P2RX3: variants seen among roughly 807,000 people sequenced by gnomAD.
P2RX3 encodes the protein purinergic receptor P2X 3.
Under a neutral mutation model 51.5 loss-of-function variants are expected in P2RX3, and 41 were observed. That is an observed-to-expected ratio of 0.80 (90% CI 0.62 to 1.03). The LOEUF (loss-of-function observed/expected upper bound fraction) is 1.03. P2RX3 is among the 50% of genes least tolerant of loss of function. The pLI, the probability that P2RX3 is intolerant of heterozygous loss-of-function variation, is 0.00. For missense variants in P2RX3, 459 were observed against 522.1 expected, an observed-to-expected ratio of 0.88 and a Z score of 1.18; for synonymous variants, 185 against 191.6, an observed-to-expected ratio of 0.97 and a Z score of 0.29.
rs1265028255 is a variant in P2RX3, at chr11:57,369,901, G to A, written c.1098G>A (p.Leu366=). ...GCCTGCAGGTGAATGAGACTACGCT[G>A]AAAATCGCGGCTTTGACCAACCCAG... ...KKFEEVNETT[L]KIAALTNPVY... The change falls in exon 12 of 12, where the codon CTG becomes CTA. Residue 366 remains leucine (L), a synonymous_variant. Coordinates refer to ENST00000263314, the MANE Select transcript of P2RX3 (RefSeq NM_002559.5). 7 of 1,613,614 alleles carry A rather than the reference G, an allele frequency of 4.3e-6. No homozygotes were observed. The highest frequency in any genetic ancestry group is 5.9e-6 in the Non-Finnish European group (7 of 1,179,616).
intron 7 of P2RX3, chr11:57,350,529 G>T: frequency 2.1e-6 from 1 of 470,014 alleles, no homozygotes; most frequent in Non-Finnish European, 3.8e-6. Context: ...TGATCCGCCC[G>T]CCTCGGCCTC....
At position 57,369,552 on chromosome 11, in the gene P2RX3, C is replaced by T. The variant is rs1856849443; in HGVS notation, c.1080+114C>T. 3 of 974,272 alleles carry T rather than the reference C, an allele frequency of 3.1e-6. No homozygotes were observed. The South Asian group carries it at 4.8e-5, about 15-fold the overall frequency. 60.4% of individuals were successfully genotyped at this position (974,272 alleles called of 1,614,324 possible). A position where few individuals can be genotyped will look rare whatever the true frequency, so the allele number is the denominator to read the frequency against. ...CCTTCTGAAGGGGGGTTCACCAGGCCTCAATGAATATTTGGGGTCCAGACA... is the reference window on the plus strand; with the variant it reads ...CCTTCTGAAGGGGGGTTCACCAGGCTTCAATGAATATTTGGGGTCCAGACA... On this transcript the variant is annotated intron_variant, in intron 11 of 11. Transcript: ENST00000263314.
At chr11:57,337,734 T>G (rs181770498), upstream of P2RX3, among the ~76,000 whole-genome samples, 165 of 152,274 alleles carry the variant, frequency 1.1e-3, no homozygotes, top group African/African-American at 3.6e-3. Context: ...GACGGGTATA[T>G]TTACAGTTAA....
intron 8 of P2RX3, among the ~76,000 whole-genome samples, chr11:57,367,287 G>A (rs563204010): frequency 1.2e-4 from 19 of 152,286 alleles, no homozygotes; most frequent in Non-Finnish European, 2.4e-4. Context: ...GTCAGTAAGC[G>A]GCAGAGCCAG....
intron 1 of P2RX3, among the ~76,000 whole-genome samples, chr11:57,346,296 G>C (rs1856429986): frequency 6.6e-6 from 1 of 152,226 alleles, no homozygotes; most frequent in Admixed American, 6.5e-5. Context: ...AAGTTTCATG[G>C]AGGGGGGGAC....
At chr11:57,353,844 C>A (rs371595199) in intron 8 of P2RX3, among the ~76,000 whole-genome samples, 9 of 128,110 alleles carry the variant, frequency 7.0e-5, no homozygotes, top group Non-Finnish European at 1.2e-4. Context: ...CACTCCCCCC[C>A]CCCCGCCCCT....
At chr11:57,369,503 C>A in intron 11 of P2RX3, 65 bp downstream of exon 11, 2 of 1,451,326 alleles carry the variant, frequency 1.4e-6, no homozygotes, top group Non-Finnish European at 1.9e-6. Flanking sequence ...GGGGCAGGGA[C>A]TCTCAGTGGC....
At position 57,370,336 on chromosome 11, in the gene P2RX3, C is replaced by A. The variant is rs116897257; in HGVS notation, c.*339C>A. Reference sequence around the variant, plus strand: ...ACCAAGTGCCAGGCACTTTCACACACGTTATCTCATTTAATCCTTAGAATA... The same window carrying A: ...ACCAAGTGCCAGGCACTTTCACACAAGTTATCTCATTTAATCCTTAGAATA... On this transcript the variant is annotated 3_prime_UTR_variant, in exon 12 of 12. Coordinates refer to ENST00000263314, the MANE Select transcript of P2RX3 (RefSeq NM_002559.5). 4,641 of 251,198 alleles carry A rather than the reference C, an allele frequency of 0.018. 53 individuals are homozygous for A. The highest frequency in any genetic ancestry group is 0.024 in the Non-Finnish European group (3,135 of 131,142). The allele number at this position is 251,198 out of a possible 1,614,324, so 15.6% of individuals were successfully genotyped here.
intron 8 of P2RX3, among the ~76,000 whole-genome samples, chr11:57,357,517 A>C (rs1323576525): frequency 6.6e-6 from 1 of 152,126 alleles, no homozygotes; most frequent in Non-Finnish European, 1.5e-5. Flanking sequence ...CAGATGAGGA[A>C]ACTGAGGCCA....
At chr11:57,350,572 G>A in intron 7 of P2RX3, 190 bp from the exon 8 acceptor site, 2 of 712,260 alleles carry the variant, frequency 2.8e-6, no homozygotes, top group East Asian at 2.9e-5. Flanking sequence ...GTGAATCACC[G>A]CACCCGGCCA....
chr11:57,369,456 C>T lies in P2RX3; in HGVS notation c.1080+18C>T. 1.9e-6 allele frequency: 3 copies of T among 1,600,478 alleles called. No homozygotes were observed. The highest frequency in any genetic ancestry group is 1.7e-5 in the Admixed American group (1 of 57,478). On this transcript the variant is annotated intron_variant, in intron 11 of 11. Coordinates refer to ENST00000263314, the MANE Select transcript of P2RX3 (RefSeq NM_002559.5). The stretch of plus-strand genomic sequence containing the variant: ...TTGAGGAGGTGAGTTGGGGAAGGGG[C>T]ACCCTTGGATAAAAGGGAGAGGGGG...
chr11:57,346,334 C>T (rs1203494375), intron 1 of P2RX3, among the ~76,000 whole-genome samples: 3 of 152,324 alleles, frequency 2.0e-5, no homozygotes, highest in Non-Finnish European at 2.9e-5. Flanking sequence ...TCTAGAAAGG[C>T]ACCTGAGGGG....
At chr11:57,354,324 G>T (rs1010983559) in intron 8 of P2RX3, among the ~76,000 whole-genome samples, 1 of 152,094 alleles carries the variant, frequency 6.6e-6, no homozygotes. Context: ...GTTCTGCGTG[G>T]CTAAAGACTC....
In P2RX3 at chr11:57,350,857, C is replaced by T; in HGVS notation, c.801C>T (p.Ser267=). The T allele has an allele frequency of 2.5e-6, 4 of 1,614,124 alleles. No individual in the cohort carries two copies. Among genetic ancestry groups the T allele is most frequent in the Non-Finnish European group, 3.4e-6 (4 of 1,180,016 alleles). Residue 267 remains serine (S), a synonymous_variant, in exon 8 of 12, where the codon AGC becomes AGT. Coordinates refer to ENST00000263314, the MANE Select transcript of P2RX3 (RefSeq NM_002559.5). ...AATACTCCTTCACCCGGCTCGACAG[C>T]GTTTCTGAGAAAAGCAGCGTGTCCC... The part of the protein sequence containing the change: ...IPKYSFTRLD[S]VSEKSSVSPG...
At chr11:57,363,836 C>T (rs1390667375) in intron 8 of P2RX3, among the ~76,000 whole-genome samples, 1 of 152,184 alleles carries the variant, frequency 6.6e-6, no homozygotes, top group East Asian at 1.9e-4. Context: ...TGTTCCTCCT[C>T]CCTCCACCCG....
intron 1 of P2RX3, among the ~76,000 whole-genome samples, chr11:57,343,676 T>A (rs1856382400): frequency 6.6e-6 from 1 of 152,212 alleles, no homozygotes; most frequent in Non-Finnish European, 1.5e-5. Flanking sequence ...TCCTGGACTT[T>A]AAGGACGCAG....
In P2RX3 at chr11:57,338,567, A is replaced by T. The variant is rs748783722; in HGVS notation, c.17A>T (p.Asp6Val). Residue 6 changes from aspartate (D) to valine (V), a missense_variant, in exon 1 of 12, where the codon GAC (aspartate) becomes GTC (valine). Physicochemically the swap from Asp to Val is radical, Grantham distance 152. Transcript: ENST00000263314. ...TCTCTCAGCATGAACTGCATATCCG[A>T]CTTCTTCACCTATGAGACCACCAAG... MNCIS[D>V]FFTYETTKSV... 3 of 1,587,982 alleles carry T rather than the reference A, an allele frequency of 1.9e-6. No homozygotes were observed. Among genetic ancestry groups the T allele is most frequent in the Non-Finnish European group, 2.6e-6 (3 of 1,158,960 alleles).
At chr11:57,346,400 C>G in intron 1 of P2RX3, 144 bp from the exon 2 acceptor site, 1 of 927,766 alleles carries the variant, frequency 1.1e-6, no homozygotes, top group Non-Finnish European at 1.6e-6. Flanking sequence ...AGGGCTCACT[C>G]TAGGTCTCAC....
At chr11:57,368,508 G>C (rs1389807478) in intron 10 of P2RX3, 71 bp downstream of exon 10, 1 of 1,552,530 alleles carries the variant, frequency 6.4e-7, no homozygotes, top group Non-Finnish European at 8.9e-7. Context: ...GCAGGCAGGG[G>C]AGTGACGGCG....
Sources: gnomAD v4.1 joint callset for allele counts (sites outside exome capture counted in the v4.1 genomes callset) on GRCh38, gnomAD v4.1.1 for gene constraint, MANE v1.5 for transcripts, NCBI Gene and HGNC (gene_info 2026-07-23, HGNC 2026-07-21) for gene names.